Variants in DNAH17 observed in about 807,000 individuals in gnomAD.
DNAH17 encodes the protein dynein axonemal heavy chain 17.
DNAH17 carries 376 observed loss-of-function variants against 485.6 expected under a neutral mutation model. That is an observed-to-expected ratio of 0.77 (90% CI 0.71 to 0.84). DNAH17 has a LOEUF of 0.84. Ranked by LOEUF, DNAH17 falls within the 40% of genes least tolerant of loss-of-function variation. The probability of loss-of-function intolerance (pLI) is 0.00; values close to 1 mark genes in which losing one functional copy is unlikely to be tolerated. For synonymous variants in DNAH17, 3,031 were observed against 2,405.9 expected (o/e 1.26, Z -7.60); for missense variants, 6,370 against 5,839.3 (o/e 1.09, Z -2.96).
intron 63 of DNAH17, 85 bp downstream of exon 63, chr17:78,455,559 T>C (rs1370713819): frequency 1.9e-6 from 2 of 1,075,278 alleles, no homozygotes; most frequent in East Asian, 3.0e-5. Flanking sequence ...ACTCCTGGCC[T>C]CAAGTAATCC....
intron 52 of DNAH17, among the ~76,000 whole-genome samples, 197 bp downstream of exon 52, chr17:78,476,375 G>A (rs1478995662): frequency 6.6e-6 from 1 of 151,412 alleles, no homozygotes; most frequent in Admixed American, 6.6e-5. Context: ...CGGACCCACA[G>A]CCACGTGCCG....
chr17:78,484,748 A>AGG, intron 48 of DNAH17, 120 bp downstream of exon 48: 5 of 138,444 alleles, frequency 3.6e-5, no homozygotes, highest in Non-Finnish European at 5.7e-5. Context: ...CACCCCCCCC[A>AGG]CCGCCCCACA....
At chr17:78,490,614 G>A in intron 44 of DNAH17, 85 bp downstream of exon 44, 2 of 1,490,190 alleles carry the variant, frequency 1.3e-6, no homozygotes, top group Non-Finnish European at 1.8e-6. Flanking sequence ...CATGAATGAT[G>A]AATGAATATG....
chr17:78,492,050 G>T (rs1256488264), intron 42 of DNAH17, among the ~76,000 whole-genome samples: 2 of 152,144 alleles, frequency 1.3e-5, no homozygotes, highest in Non-Finnish European at 2.9e-5. Context: ...GGGGGACAGG[G>T]AAAGCGGGTC....
At position 78,484,959 on chromosome 17, in the gene DNAH17, A is replaced by C. The variant is rs200203879; in HGVS notation, c.7558T>G (p.Phe2520Val). The change falls in exon 48 of 81, where the codon TTC (phenylalanine) becomes GTC (valine). Residue 2520 changes from phenylalanine (F) to valine (V), a missense_variant. Phe to Val is a conservative substitution (Grantham distance 50, BLOSUM62 -1). Coordinates refer to ENST00000389840, the MANE Select transcript of DNAH17 (RefSeq NM_173628.4). ...GPPGTKKLVY[F>V]IDDMNMPEVD... is the part of the protein sequence containing the mutation. ...TCGGGCATGTTCATGTCGTCGATGA[A>C]GTAGACGAGCTTCTTAGTGCCTGGC... is the stretch of plus-strand genomic sequence containing the variant. 4,408 of 1,613,166 alleles carry C rather than the reference A, an allele frequency of 2.7e-3. 7 individuals carry two copies. Among genetic ancestry groups the C allele is most frequent in the Non-Finnish European group, 3.1e-3 (3,675 of 1,179,540 alleles).
intron 73 of DNAH17, among the ~76,000 whole-genome samples, chr17:78,438,445 G>GGA (rs1473139795): frequency 0.016 from 119 of 7,418 alleles, no homozygotes; most frequent in East Asian, 0.052. Context: ...AGGAGGAGGA[G>GGA]GGAGGAGGGA....
At position 78,574,695 on chromosome 17, in the gene DNAH17, C is replaced by T; in HGVS notation, c.345+18G>A. ...CGGTCGTGCTCGACACCCCGGATGG[C>T]AGCCTGGACGCACTCACCTCCTCCA... is the stretch of plus-strand genomic sequence containing the variant. On this transcript the variant is annotated intron_variant, in intron 2 of 80. Transcript: ENST00000389840. The T allele has an allele frequency of 1.3e-6, 2 of 1,576,624 alleles. No homozygotes were observed. Among genetic ancestry groups the T allele is most frequent in the Non-Finnish European group, 1.7e-6 (2 of 1,158,684 alleles).
At chr17:78,565,080 C>T (rs949017568) in intron 11 of DNAH17, among the ~76,000 whole-genome samples, 3 of 152,212 alleles carry the variant, frequency 2.0e-5, no homozygotes, top group African/African-American at 7.2e-5. Context: ...AATCCCCCAA[C>T]CCCTGATGTC....
At chr17:78,515,203 G>C (rs1057012606) in intron 25 of DNAH17, among the ~76,000 whole-genome samples, 181 bp from the exon 26 acceptor site, 3 of 152,164 alleles carry the variant, frequency 2.0e-5, no homozygotes, top group Admixed American at 1.3e-4. Flanking sequence ...CGTCACAAAA[G>C]GTAAGATTTA....
rs2087694716 is a variant in DNAH17 at position 78,454,375 on chromosome 17, G to A, written c.10406+95C>T. On this transcript the variant is annotated intron_variant, in intron 64 of 80. Coordinates refer to ENST00000389840, the MANE Select transcript of DNAH17 (RefSeq NM_173628.4). Reference sequence around the variant, plus strand: ...AAACCTGTGGGCTAGTACTTGTATTGAAAGACCCACCCATCCATTGAACCA... The same window carrying A: ...AAACCTGTGGGCTAGTACTTGTATTAAAAGACCCACCCATCCATTGAACCA... 7.3e-6 allele frequency: 7 copies of A among 952,512 alleles called. No homozygotes were observed. In the South Asian group the frequency reaches 9.6e-5, roughly 13 times the overall value. The allele number at this position is 952,512 out of a possible 1,614,324, so 59.0% of individuals were successfully genotyped here.
At chr17:78,477,425 CTG>C (rs1178287765) in intron 51 of DNAH17, among the ~76,000 whole-genome samples, 1 of 152,008 alleles carries the variant, frequency 6.6e-6, no homozygotes, top group African/African-American at 2.4e-5. Context: ...GTTGCCCAGG[CTG>C]GAGTGCAGTG....
intron 73 of DNAH17, among the ~76,000 whole-genome samples, chr17:78,438,458 A>AGGAGGAG (rs2086939927): frequency 2.3e-5 from 2 of 85,954 alleles, no homozygotes; most frequent in African/African-American, 4.7e-5. Flanking sequence ...AGGAGGGAGG[A>AGGAGGAG]GGAGGAGGAG....
rs944314747 is a variant in DNAH17 at position 78,457,325 on chromosome 17, C to T, written c.9977+1240G>A. Reference sequence around the variant, plus strand: ...GATGGAGGTTGCAGTGAGCCAAGATCGTGCCACTGTACTGCAGCCTGGGTG... The same window carrying T: ...GATGGAGGTTGCAGTGAGCCAAGATTGTGCCACTGTACTGCAGCCTGGGTG... On this transcript the variant is annotated intron_variant, in intron 62 of 80. Transcript: ENST00000389840. Among the ~76,000 whole-genome samples the T allele has an allele frequency of 6.6e-5, 10 of 152,010 alleles. No individual in the cohort carries two copies. In the East Asian group the frequency reaches 9.7e-4, roughly 15 times the overall value.
At chr17:78,451,813 C>T in intron 65 of DNAH17, 140 bp from the exon 66 acceptor site, 1 of 670,664 alleles carries the variant, frequency 1.5e-6, no homozygotes, top group Non-Finnish European at 2.5e-6. Context: ...AAGAGCACTG[C>T]ACCTCTCCTT....
intron 54 of DNAH17, chr17:78,472,627 T>C: frequency 2.4e-6 from 1 of 424,640 alleles, no homozygotes; most frequent in Middle Eastern, 3.6e-4. Flanking sequence ...CCGGGGGCTG[T>C]GTGTGGGGTG....
In DNAH17 at chr17:78,526,702, G is replaced by C. The variant is rs61744545; in HGVS notation, c.3660C>G (p.Arg1220=). Residue 1220 remains arginine (R), a synonymous_variant, in exon 24 of 81, where the codon CGC becomes CGG. Coordinates refer to ENST00000389840, the MANE Select transcript of DNAH17 (RefSeq NM_173628.4). The stretch of plus-strand genomic sequence containing the variant: ...GGTCGCTGAAGGAGAACGGGGCCTC[G>C]CGCCTGAACCTCTCCCTGAACTCAT... ...KQHEFRERFR[R]EAPFSFSDPN... 1.2e-6 allele frequency: 2 copies of C among 1,610,768 alleles called. No individual in the cohort carries two copies. Among genetic ancestry groups the C allele is most frequent in the Non-Finnish European group, 1.7e-6 (2 of 1,177,604 alleles).
chr17:78,475,851 A>C lies in DNAH17; in HGVS notation c.8155-18T>G. ...CCAAGATCCTAGAAAAAGAAAAAAA[A>C]AGACGATACTTCCGGTTTTTGCCAC... On this transcript the variant is annotated intron_variant, in intron 52 of 80. Transcript: ENST00000389840. 6.2e-7 allele frequency: 1 copy of C among 1,606,038 alleles called. No homozygotes were observed. The highest frequency in any genetic ancestry group is 8.5e-7 in the Non-Finnish European group (1 of 1,177,674).
At chr17:78,461,792 G>T in intron 57 of DNAH17, 84 bp from the exon 58 acceptor site, 1 of 1,379,598 alleles carries the variant, frequency 7.2e-7, no homozygotes, top group Non-Finnish European at 9.8e-7. Context: ...AGGGCTGGGA[G>T]CCACAGAGGG....
intron 9 of DNAH17, 98 bp downstream of exon 9, chr17:78,569,068 G>A (rs1422554937): frequency 3.2e-6 from 3 of 942,436 alleles, no homozygotes; most frequent in Admixed American, 2.5e-5. Flanking sequence ...CTGCCTGGGG[G>A]ATTATTGGCA....
Sources: gnomAD v4.1 joint callset for allele counts (sites outside exome capture counted in the v4.1 genomes callset) on GRCh38, gnomAD v4.1.1 for gene constraint, MANE v1.5 for transcripts, NCBI Gene and HGNC (gene_info 2026-07-23, HGNC 2026-07-21) for gene names.